Variants in SEMA5A observed in about 807,000 individuals in gnomAD.
SEMA5A encodes semaphorin 5A.
In SEMA5A, 55 loss-of-function variants were observed where a neutral mutation model predicts 135.5. The ratio of observed to expected loss-of-function variants is 0.41; its 90% confidence interval spans 0.33 to 0.51. SEMA5A has a LOEUF of 0.51. SEMA5A is among the 20% of genes least tolerant of loss of function. SEMA5A has a pLI of 0.37. For synonymous variants in SEMA5A, 580 were observed against 546.5 expected (o/e 1.06, Z -0.85); for missense variants, 1,290 against 1,419.9 (o/e 0.91, Z 1.47).
chr5:9,370,524 G>A (rs1211942420), intron 3 of SEMA5A, among the ~76,000 whole-genome samples: 1 of 152,162 alleles, frequency 6.6e-6, no homozygotes, highest in Non-Finnish European at 1.5e-5. Flanking sequence ...TGAGTCATAT[G>A]AAGGAATTGG....
intron 1 of SEMA5A, among the ~76,000 whole-genome samples, chr5:9,441,978 C>T (rs1357934106): frequency 6.6e-6 from 1 of 152,164 alleles, no homozygotes; most frequent in African/African-American, 2.4e-5. Flanking sequence ...GTGAATATGG[C>T]AGCTCTGCAG....
chr5:9,544,855 C>T (rs537036859), intron 1 of SEMA5A, among the ~76,000 whole-genome samples: 1 of 152,342 alleles, frequency 6.6e-6, no homozygotes, highest in East Asian at 1.9e-4. Flanking sequence ...CGACCGTTCC[C>T]ACGCACATCT....
intron 1 of SEMA5A, among the ~76,000 whole-genome samples, chr5:9,522,275 C>A (rs777113323): frequency 8.5e-5 from 13 of 152,072 alleles, no homozygotes; most frequent in Non-Finnish European, 5.9e-5. Flanking sequence ...AGACAAAGGG[C>A]GTAATTGCAA....
intron 2 of SEMA5A, among the ~76,000 whole-genome samples, chr5:9,423,589 C>CTCACA (rs1210004576): frequency 5.3e-5 from 8 of 152,328 alleles, no homozygotes; most frequent in African/African-American, 1.9e-4. Flanking sequence ...GAGCCTTATG[C>CTCACA]TTTACATTAA....
chr5:9,422,887 AC>A (rs1207631662), intron 2 of SEMA5A, among the ~76,000 whole-genome samples: 1 of 152,202 alleles, frequency 6.6e-6, no homozygotes, highest in Non-Finnish European at 1.5e-5. Context: ...CTTTTCTTTC[AC>A]TGACTCCATC....
intron 21 of SEMA5A, among the ~76,000 whole-genome samples, chr5:9,048,593 C>T (rs553444253): frequency 1.4e-4 from 21 of 152,194 alleles, no homozygotes; most frequent in Admixed American, 1.2e-3. Context: ...GCAGGTGTCA[C>T]GTAATATAGA....
intron 16 of SEMA5A, among the ~76,000 whole-genome samples, chr5:9,072,265 C>T (rs1363635169): frequency 6.6e-6 from 1 of 152,090 alleles, no homozygotes; most frequent in African/African-American, 2.4e-5. Flanking sequence ...GAGAAGGTTC[C>T]CAGGCCACAG....
intron 2 of SEMA5A, among the ~76,000 whole-genome samples, chr5:9,436,028 A>G (rs1758017015): frequency 6.6e-6 from 1 of 152,220 alleles, no homozygotes; most frequent in Non-Finnish European, 1.5e-5. Context: ...GGTTAAGAAG[A>G]TAGAATCAAA....
chr5:9,468,059 T>A (rs1759327938), intron 1 of SEMA5A, among the ~76,000 whole-genome samples: 2 of 152,218 alleles, frequency 1.3e-5, no homozygotes, highest in Middle Eastern at 3.4e-3. Context: ...TCAGCGTTAC[T>A]CACATCTTGG....
intron 2 of SEMA5A, among the ~76,000 whole-genome samples, chr5:9,399,221 A>T (rs1756539637): frequency 6.6e-6 from 1 of 152,250 alleles, no homozygotes; most frequent in South Asian, 2.1e-4. Context: ...ATACATGGAG[A>T]ACAGATGAAG....
At chr5:9,470,137 C>T (rs989895922) in intron 1 of SEMA5A, among the ~76,000 whole-genome samples, 1 of 152,112 alleles carries the variant, frequency 6.6e-6, no homozygotes, top group Non-Finnish European at 1.5e-5. Context: ...AAAGAGGTAG[C>T]ATAGGTTTTT....
At chr5:9,210,949 T>G (rs961338553) in intron 8 of SEMA5A, among the ~76,000 whole-genome samples, 9 of 152,336 alleles carry the variant, frequency 5.9e-5, no homozygotes, top group African/African-American at 2.2e-4. Context: ...AGGCCATTGA[T>G]TTAAAATGAT....
chr5:9,357,257 A>T (rs980647621), intron 3 of SEMA5A, among the ~76,000 whole-genome samples: 1 of 152,132 alleles, frequency 6.6e-6, no homozygotes, highest in African/African-American at 2.4e-5. Flanking sequence ...AGAACTCCTT[A>T]AAAAAAGACT....
At chr5:9,203,930 A>G (rs1288934032) in intron 8 of SEMA5A, among the ~76,000 whole-genome samples, 3 of 151,556 alleles carry the variant, frequency 2.0e-5, no homozygotes, top group Non-Finnish European at 4.4e-5. Flanking sequence ...AGCAGATTAC[A>G]TATCTGTAAC....
chr5:9,406,132 C>T (rs1447415452), intron 2 of SEMA5A, among the ~76,000 whole-genome samples: 1 of 152,192 alleles, frequency 6.6e-6, no homozygotes, highest in Non-Finnish European at 1.5e-5. Flanking sequence ...AAAATGACAA[C>T]AACAAACTAG....
At chr5:9,478,881 A>G (rs1279956244) in intron 1 of SEMA5A, among the ~76,000 whole-genome samples, 1 of 152,196 alleles carries the variant, frequency 6.6e-6, no homozygotes. Flanking sequence ...AGGAGGGGCC[A>G]GGGTGGGATG....
chr5:9,507,038 G>C (rs1735923441), intron 1 of SEMA5A, among the ~76,000 whole-genome samples: 2 of 152,208 alleles, frequency 1.3e-5, no homozygotes. Context: ...ACTCTTGTTA[G>C]AAAGGAGGTG....
intron 3 of SEMA5A, among the ~76,000 whole-genome samples, chr5:9,362,549 T>G (rs1754743463): frequency 6.6e-6 from 1 of 152,212 alleles, no homozygotes; most frequent in Admixed American, 6.5e-5. Context: ...TATGAACATT[T>G]TAAATCTTAA....
At chr5:9,537,209 C>T (rs1579706116) in intron 1 of SEMA5A, among the ~76,000 whole-genome samples, 1 of 152,162 alleles carries the variant, frequency 6.6e-6, no homozygotes. Context: ...GGAACCAATA[C>T]AAATCTATGA....
Sources: gnomAD v4.1 joint callset for allele counts (sites outside exome capture counted in the v4.1 genomes callset) on GRCh38, gnomAD v4.1.1 for gene constraint, MANE v1.5 for transcripts, NCBI Gene and HGNC (gene_info 2026-07-23, HGNC 2026-07-21) for gene names.